Variants in C16orf74 observed in about 807,000 individuals in gnomAD.
C16orf74 encodes the protein uncharacterized protein C16orf74.
Under a neutral mutation model 6.5 loss-of-function variants are expected in C16orf74, and 10 were observed. That is an observed-to-expected ratio of 1.54 (90% confidence interval 0.95 to 2.61). C16orf74 has a LOEUF of 2.61. Ranked by LOEUF, C16orf74 falls within the 30% of genes most tolerant of loss-of-function variation. C16orf74 has a pLI of 0.00. For missense variants in C16orf74, 141 were observed against 105.9 expected (o/e 1.33, Z -1.45); for synonymous variants, 60 against 42.5 (o/e 1.41, Z -1.60).
At chr16:85,711,159 C>T (rs968504933) in intron 2 of C16orf74, among the ~76,000 whole-genome samples, 15 of 151,632 alleles carry the variant, frequency 9.9e-5, no homozygotes, top group Admixed American at 7.9e-4. Flanking sequence ...TACTAAAATA[C>T]GAAAATTAGC....
intron 1 of C16orf74, 29 bp from the exon 2 acceptor site, chr16:85,735,264 G>GGGAGGGCGCGACTTGTTT (rs2152063984): frequency 6.5e-7 from 1 of 1,530,536 alleles, no homozygotes; most frequent in East Asian, 2.5e-5. Flanking sequence ...GCTGAGAGAG[G>GGGAGGGCGCGACTTGTTT]GGAGGGCGCG....
At chr16:85,718,271 C>T in intron 2 of C16orf74, among the ~76,000 whole-genome samples, 1 of 151,998 alleles carries the variant, frequency 6.6e-6, no homozygotes. Flanking sequence ...GACAGGGCCT[C>T]ATTATATTGG....
intron 1 of C16orf74, 44 bp from the exon 2 acceptor site, chr16:85,735,279 G>A: frequency 2.7e-6 from 4 of 1,457,268 alleles, no homozygotes; most frequent in Non-Finnish European, 3.7e-6. Flanking sequence ...GGCGCGACTT[G>A]TTTGTATTGG....
intron 2 of C16orf74, among the ~76,000 whole-genome samples, chr16:85,726,429 G>C (rs2054133609): frequency 6.6e-6 from 1 of 152,194 alleles, no homozygotes; most frequent in African/African-American, 2.4e-5. Flanking sequence ...GTTGGCTCCT[G>C]TTCGCAGCTT....
chr16:85,748,828 C>T (rs1231985757), intron 1 of C16orf74, among the ~76,000 whole-genome samples: 1 of 152,038 alleles, frequency 6.6e-6, no homozygotes, highest in Non-Finnish European at 1.5e-5. Context: ...GCATGTCTGA[C>T]CCCACTTCTC....
intron 2 of C16orf74, among the ~76,000 whole-genome samples, chr16:85,720,703 G>C (rs1340280392): frequency 1.3e-5 from 2 of 149,928 alleles, no homozygotes; most frequent in African/African-American, 4.9e-5. Flanking sequence ...TTGAGCCCAG[G>C]AGTTTAAGGT....
chr16:85,736,239 C>T (rs977612530), intron 1 of C16orf74, among the ~76,000 whole-genome samples: 1 of 152,116 alleles, frequency 6.6e-6, no homozygotes, highest in African/African-American at 2.4e-5. Context: ...CGCCAAGGAG[C>T]AAGTCTGCTT....
At chr16:85,709,458 G>A (rs842960) in intron 3 of C16orf74, among the ~76,000 whole-genome samples, 43,979 of 151,402 alleles carry the variant, frequency 0.29, 7,094 homozygotes, top group African/African-American at 0.43. Flanking sequence ...CATTTGTTAC[G>A]CTCAGTACAG....
chr16:85,714,404 ATTTAT>A (rs2054000123), intron 2 of C16orf74, among the ~76,000 whole-genome samples: 1 of 37,662 alleles, frequency 2.7e-5, no homozygotes, highest in African/African-American at 7.7e-5. Context: ...TTTATTTATT[ATTTAT>A]TTATTTATTT....
Position 85,710,207 on chromosome 16 carries a change from G to C in C16orf74, c.129C>G (p.Pro43=). The C allele has an allele frequency of 6.7e-7, 1 of 1,496,224 alleles. No individual in the cohort carries two copies. Among genetic ancestry groups the C allele is most frequent in the African/African-American group, 1.5e-5 (1 of 68,082 alleles). The allele number at this position is 1,496,224 out of a possible 1,614,324, so 92.7% of individuals were successfully genotyped here. ...TCGGCAGCATCATGCCCGTGGGGGT[G>C]GGGGGCGTGATGATGATGTCGGGCA... ...LDVPDIIITP[P]TPTGMMLPRD... The change falls in exon 3 of 4, where the codon CCC becomes CCG. Residue 43 remains proline (P), a synonymous_variant. Transcript: ENST00000284245.
intron 2 of C16orf74, among the ~76,000 whole-genome samples, chr16:85,715,941 C>A (rs922951805): frequency 4.6e-5 from 7 of 152,150 alleles, no homozygotes; most frequent in Admixed American, 4.6e-4. Flanking sequence ...GCCAGCTGCC[C>A]CATAAGTGTT....
At chr16:85,729,623 T>C (rs957196957) in intron 2 of C16orf74, among the ~76,000 whole-genome samples, 1 of 152,210 alleles carries the variant, frequency 6.6e-6, no homozygotes, top group Non-Finnish European at 1.5e-5. Context: ...ATGAGGTCTT[T>C]GCCGATGTAA....
chr16:85,709,314 A>C (rs1258291688), intron 3 of C16orf74, among the ~76,000 whole-genome samples: 2 of 152,196 alleles, frequency 1.3e-5, no homozygotes, highest in African/African-American at 2.4e-5. Context: ...AGAGTGCACC[A>C]CAGCACTCCA....
chr16:85,732,913 G>A (rs139428127), intron 2 of C16orf74, among the ~76,000 whole-genome samples: 2 of 152,242 alleles, frequency 1.3e-5, no homozygotes, highest in African/African-American at 4.8e-5. Context: ...CCTTTTAAAA[G>A]CTCCCAGCCC....
chr16:85,717,679 C>A (rs1293832478), intron 2 of C16orf74, among the ~76,000 whole-genome samples: 1 of 152,248 alleles, frequency 6.6e-6, no homozygotes, highest in Non-Finnish European at 1.5e-5. Flanking sequence ...GCCATTTGCA[C>A]TCCTGCATTC....
At chr16:85,712,123 C>A (rs1016693462) in intron 2 of C16orf74, among the ~76,000 whole-genome samples, 1 of 152,216 alleles carries the variant, frequency 6.6e-6, no homozygotes, top group African/African-American at 2.4e-5. Flanking sequence ...GAGCAGCTCA[C>A]GTGGGTGAGG....
chr16:85,714,723 A>G (rs2054005463), intron 2 of C16orf74, among the ~76,000 whole-genome samples: 1 of 151,190 alleles, frequency 6.6e-6, no homozygotes, highest in African/African-American at 2.4e-5. Flanking sequence ...CGGCCTTGGA[A>G]GACTCTTGGC....
chr16:85,717,026 A>C (rs963420737), intron 2 of C16orf74, among the ~76,000 whole-genome samples: 2 of 152,208 alleles, frequency 1.3e-5, no homozygotes, highest in Non-Finnish European at 2.9e-5. Context: ...AGAAGGATGG[A>C]GCCTGTGCAG....
intron 1 of C16orf74, among the ~76,000 whole-genome samples, chr16:85,739,201 C>A (rs1471115082): frequency 2.0e-5 from 3 of 152,190 alleles, no homozygotes; most frequent in African/African-American, 7.2e-5. Context: ...CACAGAGCCC[C>A]AGGGCCTCTG....
Sources: gnomAD v4.1 joint callset for allele counts (sites outside exome capture counted in the v4.1 genomes callset) on GRCh38, gnomAD v4.1.1 for gene constraint, MANE v1.5 for transcripts, NCBI Gene and HGNC (gene_info 2026-07-23, HGNC 2026-07-21) for gene names.